Variants in EPB41L4B observed in about 807,000 individuals in gnomAD.
EPB41L4B encodes the protein band 4.1-like protein 4B.
In EPB41L4B, 30 loss-of-function variants were observed where a neutral mutation model predicts 112.5. The ratio of observed to expected loss-of-function variants is 0.27; its 90% CI spans 0.20 to 0.36. EPB41L4B has a LOEUF of 0.36. Ranked by LOEUF, EPB41L4B falls within the 10% of genes least tolerant of loss-of-function variation. EPB41L4B has a pLI of 1.00. For missense variants in EPB41L4B, 1,024 were observed against 1,133.3 expected, an observed-to-expected ratio of 0.90 and a Z score of 1.38; for synonymous variants, 408 against 439.7, an observed-to-expected ratio of 0.93 and a Z score of 0.90.
At chr9:109,252,002 T>C (rs766633233) in intron 12 of EPB41L4B, among the ~76,000 whole-genome samples, 1 of 152,112 alleles carries the variant, frequency 6.6e-6, no homozygotes, top group Non-Finnish European at 1.5e-5. Flanking sequence ...GGGAAAATCA[T>C]TAAAAGCTTG....
At chr9:109,315,722 T>C (rs1045805277) in intron 1 of EPB41L4B, among the ~76,000 whole-genome samples, 2 of 152,158 alleles carry the variant, frequency 1.3e-5, no homozygotes, top group African/African-American at 4.8e-5. Context: ...AAATAAGCCA[T>C]ATGACCTTTA....
At chr9:109,299,945 C>G (rs4978792) in intron 1 of EPB41L4B, among the ~76,000 whole-genome samples, 142,612 of 152,352 alleles carry the variant, frequency 0.94, 66,890 homozygotes, top group East Asian at 1. Context: ...AGACACACCA[C>G]TGCCATAACA....
chr9:109,296,400 G>A (rs569218395), intron 1 of EPB41L4B, among the ~76,000 whole-genome samples: 2 of 152,190 alleles, frequency 1.3e-5, no homozygotes, highest in South Asian at 4.1e-4. Flanking sequence ...GTCAGCAGGT[G>A]AGAGTTTGAA....
At chr9:109,194,765 T>C (rs535196492) in intron 20 of EPB41L4B, among the ~76,000 whole-genome samples, 1 of 152,230 alleles carries the variant, frequency 6.6e-6, no homozygotes, top group East Asian at 1.9e-4. Flanking sequence ...CAACAGAAAC[T>C]CTGTATTGAT....
At chr9:109,211,656 A>G (rs530870084) in intron 17 of EPB41L4B, among the ~76,000 whole-genome samples, 1 of 151,524 alleles carries the variant, frequency 6.6e-6, no homozygotes, top group African/African-American at 2.4e-5. Context: ...GTCGGGACAA[A>G]GTCAAAATTA....
chr9:109,297,826 C>G (rs1438656559), intron 1 of EPB41L4B, among the ~76,000 whole-genome samples: 2 of 152,218 alleles, frequency 1.3e-5, no homozygotes, highest in South Asian at 2.1e-4. Context: ...ACATAAGAAG[C>G]AGAACTTTAG....
chr9:109,316,314 G>A (rs1400122592), intron 1 of EPB41L4B, among the ~76,000 whole-genome samples: 1 of 152,230 alleles, frequency 6.6e-6, no homozygotes, highest in Non-Finnish European at 1.5e-5. Flanking sequence ...AGTGCTAACT[G>A]GCCGACCGCA....
intron 24 of EPB41L4B, among the ~76,000 whole-genome samples, chr9:109,181,770 G>A (rs1832063398): frequency 6.6e-6 from 1 of 152,150 alleles, no homozygotes; most frequent in African/African-American, 2.4e-5. Context: ...ATTGAAAACA[G>A]GTGTTCAAAC....
intron 1 of EPB41L4B, among the ~76,000 whole-genome samples, chr9:109,314,221 G>A (rs1286989706): frequency 2.0e-5 from 3 of 152,216 alleles, no homozygotes; most frequent in Non-Finnish European, 4.4e-5. Flanking sequence ...GGGCAAGGAT[G>A]GAACACGTGT....
intron 15 of EPB41L4B, among the ~76,000 whole-genome samples, chr9:109,234,401 G>C (rs1332341735): frequency 1.3e-5 from 2 of 152,182 alleles, no homozygotes; most frequent in East Asian, 1.9e-4. Flanking sequence ...CATCAATATT[G>C]ATTGGTTAAA....
At position 109,255,788 on chromosome 9, in the gene EPB41L4B, C is replaced by T. The variant is rs1564297983; in HGVS notation, c.985G>A (p.Glu329Lys). 3.7e-6 allele frequency: 6 copies of T among 1,613,760 alleles called. No individual in the cohort carries two copies. Among genetic ancestry groups the T allele is most frequent in the Admixed American group, 1.7e-5 (1 of 59,936 alleles). ...KKSKLTLVVV[E>K]DDDQGREQEH... is the part of the protein sequence containing the mutation. The stretch of plus-strand genomic sequence containing the variant: ...GCCAGGCCTACCTGATCATCATCCT[C>T]GACCACCACGAGTGTCAATTTGCTC... The change falls in exon 10 of 26, where the codon GAG (glutamate) becomes AAG (lysine). Residue 329 changes from glutamate (E) to lysine (K), a missense_variant. Transcript: ENST00000374566.
At chr9:109,308,296 T>C (rs568081095) in intron 1 of EPB41L4B, among the ~76,000 whole-genome samples, 2 of 152,252 alleles carry the variant, frequency 1.3e-5, no homozygotes, top group East Asian at 1.9e-4. Context: ...AGGATCTTAC[T>C]GATCTCTGTG....
chr9:109,209,137 C>G (rs1833076018), intron 17 of EPB41L4B, among the ~76,000 whole-genome samples: 1 of 152,136 alleles, frequency 6.6e-6, no homozygotes, highest in Non-Finnish European at 1.5e-5. Flanking sequence ...AGAAGTCCTA[C>G]TGAGCATGTT....
rs1322050450 is a variant in EPB41L4B at position 109,320,411 on chromosome 9, G to C, written c.36C>G (p.Arg12=). 1.0e-6 allele frequency: 1 copy of C among 990,064 alleles called. No homozygotes were observed. Among genetic ancestry groups the C allele is most frequent in the Non-Finnish European group, 1.2e-6 (1 of 834,532 alleles). 61.3% of individuals were successfully genotyped at this position (990,064 alleles called of 1,614,324 possible). A position where few individuals can be genotyped will look rare whatever the true frequency, so the allele number is the denominator to read the frequency against. ...LRFLRRTFGR[R]SMQRYARGAA... is the part of the protein sequence containing the mutation. ...CGCCCCGCGCGTAGCGCTGCATGGA[G>C]CGGCGGCCAAAGGTCCGGCGCAGGA... is the stretch of plus-strand genomic sequence containing the variant. The change falls in exon 1 of 26, where the codon CGC becomes CGG. Residue 12 remains arginine (R), a synonymous_variant. Transcript: ENST00000374566.
intron 7 of EPB41L4B, among the ~76,000 whole-genome samples, chr9:109,256,833 T>C (rs181361180): frequency 1.3e-5 from 2 of 152,174 alleles, no homozygotes; most frequent in African/African-American, 4.8e-5. Context: ...TCCCAGCTAC[T>C]TGGGAGGCTG....
intron 4 of EPB41L4B, among the ~76,000 whole-genome samples, chr9:109,265,651 C>T (rs1215468171): frequency 6.6e-6 from 1 of 152,098 alleles, no homozygotes; most frequent in Admixed American, 6.5e-5. Flanking sequence ...GCAAATAACA[C>T]GCATGGGGTT....
Position 109,216,971 on chromosome 9 carries a change from G to T in EPB41L4B, c.1584C>A (p.Asn528Lys), listed in dbSNP as rs759979725. 1.2e-6 allele frequency: 2 copies of T among 1,614,180 alleles called. No homozygotes were observed. Among genetic ancestry groups the T allele is most frequent in the Admixed American group, 1.7e-5 (1 of 60,016 alleles). ...SNYSLSLTLE[N>K]KEGPLRSPNS... ...TTGGGGACCTCAGAGGCCCCTCTTTGTTCTCCAGGGTCAGTGAGAGGCTGT... is the reference window on the plus strand; with the variant it reads ...TTGGGGACCTCAGAGGCCCCTCTTTTTTCTCCAGGGTCAGTGAGAGGCTGT... The change falls in exon 16 of 26, where the codon AAC (asparagine) becomes AAA (lysine). Residue 528 changes from asparagine to lysine, a missense_variant. Asn to Lys is a moderately conservative substitution (Grantham distance 94). Transcript: ENST00000374566.
At chr9:109,200,047 A>C (rs1251400681) in intron 20 of EPB41L4B, among the ~76,000 whole-genome samples, 189 bp downstream of exon 20, 2 of 152,222 alleles carry the variant, frequency 1.3e-5, no homozygotes, top group Non-Finnish European at 2.9e-5. Flanking sequence ...GTAGTCAATA[A>C]TGAATCCTTA....
intron 6 of EPB41L4B, among the ~76,000 whole-genome samples, chr9:109,261,012 T>C (rs1835181008): frequency 6.6e-6 from 1 of 152,226 alleles, no homozygotes; most frequent in South Asian, 2.1e-4. Flanking sequence ...TTTTGTCTCA[T>C]TCGTGACACC....
Sources: gnomAD v4.1 joint callset for allele counts (sites outside exome capture counted in the v4.1 genomes callset) on GRCh38, gnomAD v4.1.1 for gene constraint, MANE v1.5 for transcripts, NCBI Gene and HGNC (gene_info 2026-07-23, HGNC 2026-07-21) for gene names.